The following SLC24A2 variants were observed in gnomAD, a reference collection of about 807,000 sequenced individuals.
SLC24A2 encodes the protein sodium/potassium/calcium exchanger 2.
A neutral mutation model predicts 62.0 loss-of-function variants in SLC24A2; 36 were observed. That is an observed-to-expected ratio of 0.58 (90% CI 0.44 to 0.77). SLC24A2 has a LOEUF of 0.77. Among genes scored for constraint, SLC24A2 ranks in the 30% least tolerant of loss-of-function variants. The probability of loss-of-function intolerance (pLI) is 0.00; values close to 1 mark genes in which losing one functional copy is unlikely to be tolerated. For synonymous variants in SLC24A2, 358 were observed against 294.0 expected, an observed-to-expected ratio of 1.22 and a Z score of -2.23; for missense variants, 846 against 817.9, an observed-to-expected ratio of 1.03 and a Z score of -0.42.
intron 9 of SLC24A2, among the ~76,000 whole-genome samples, chr9:19,521,818 T>C (rs984365050): frequency 6.6e-6 from 1 of 152,082 alleles, no homozygotes; most frequent in African/African-American, 2.4e-5. Flanking sequence ...TTGTGAATAG[T>C]ACATTATTAT....
At chr9:19,851,382 G>T in the SLC24A2 span, among the ~76,000 whole-genome samples, 10 of 151,980 alleles carry the variant, frequency 6.6e-5, no homozygotes, top group African/African-American at 2.4e-4. Flanking sequence ...GGATGTGCAG[G>T]TTTATTACAT....
the SLC24A2 span, among the ~76,000 whole-genome samples, chr9:20,095,183 C>G: frequency 3.8e-4 from 58 of 152,272 alleles, no homozygotes; most frequent in African/African-American, 1.3e-3. Context: ...GGTATCCTAT[C>G]TATGTTAACA....
the SLC24A2 span, among the ~76,000 whole-genome samples, chr9:20,004,641 G>T: frequency 6.6e-6 from 1 of 152,082 alleles, no homozygotes; most frequent in Non-Finnish European, 1.5e-5. Context: ...TGTTGAGCTG[G>T]AGTTTTATAA....
intron 4 of SLC24A2, among the ~76,000 whole-genome samples, chr9:19,618,095 C>A (rs1817815658): frequency 6.6e-6 from 1 of 152,178 alleles, no homozygotes; most frequent in African/African-American, 2.4e-5. Context: ...GGTGAAAATG[C>A]TTTGTCAACT....
intron 4 of SLC24A2, among the ~76,000 whole-genome samples, chr9:19,604,263 T>C (rs1041937187): frequency 3.9e-5 from 6 of 152,120 alleles, no homozygotes; most frequent in Non-Finnish European, 7.4e-5. Context: ...CCCCATGGGG[T>C]GGTCTTGACT....
the SLC24A2 span, among the ~76,000 whole-genome samples, chr9:20,161,932 T>C: frequency 4.0e-5 from 6 of 151,710 alleles, no homozygotes; most frequent in Admixed American, 2.6e-4. Context: ...TACTAGCTAA[T>C]GCGATTACAT....
the SLC24A2 span, among the ~76,000 whole-genome samples, chr9:20,072,584 T>G: frequency 6.6e-6 from 1 of 152,126 alleles, no homozygotes; most frequent in African/African-American, 2.4e-5. Context: ...AAAGAGACTT[T>G]GCAGATATGA....
chr9:20,236,189 T>G, the SLC24A2 span, among the ~76,000 whole-genome samples: 1 of 152,228 alleles, frequency 6.6e-6, no homozygotes, highest in East Asian at 1.9e-4. Context: ...AAGAAATCAT[T>G]TCTCCAAAAG....
chr9:19,547,992 TAAAG>T (rs1248644801), intron 8 of SLC24A2, among the ~76,000 whole-genome samples: 2 of 151,630 alleles, frequency 1.3e-5, no homozygotes, highest in Non-Finnish European at 2.9e-5. Flanking sequence ...GTATCTTGAA[TAAAG>T]AAACTTAAAT....
chr9:20,224,432 G>T, the SLC24A2 span, among the ~76,000 whole-genome samples: 2 of 151,874 alleles, frequency 1.3e-5, no homozygotes, highest in Non-Finnish European at 2.9e-5. Flanking sequence ...AAAAATTAAA[G>T]CCTGAAAACA....
At chr9:19,999,671 G>C in the SLC24A2 span, among the ~76,000 whole-genome samples, 5 of 152,164 alleles carry the variant, frequency 3.3e-5, no homozygotes, top group African/African-American at 1.2e-4. Context: ...ATCACGGAAA[G>C]GATCCCAGCT....
chr9:19,961,334 A>C, the SLC24A2 span, among the ~76,000 whole-genome samples: 1 of 152,222 alleles, frequency 6.6e-6, no homozygotes, highest in Non-Finnish European at 1.5e-5. Flanking sequence ...TTAGTAAAGA[A>C]AGGTTAGATC....
chr9:19,868,461 C>T, the SLC24A2 span, among the ~76,000 whole-genome samples: 1 of 152,180 alleles, frequency 6.6e-6, no homozygotes, highest in African/African-American at 2.4e-5. Context: ...CTTCTGCAGT[C>T]ACAAGACGGA....
chr9:19,842,749 G>A, the SLC24A2 span, among the ~76,000 whole-genome samples: 3 of 152,118 alleles, frequency 2.0e-5, no homozygotes, highest in Non-Finnish European at 4.4e-5. Context: ...TGTATATATT[G>A]TGCTTTTATC....
the SLC24A2 span, among the ~76,000 whole-genome samples, chr9:20,082,903 G>A: frequency 6.6e-6 from 1 of 152,178 alleles, no homozygotes; most frequent in African/African-American, 2.4e-5. Context: ...CCCAAATAAA[G>A]CATTTTTAAT....
At chr9:19,703,986 G>T (rs965098089) in intron 2 of SLC24A2, among the ~76,000 whole-genome samples, 6 of 152,156 alleles carry the variant, frequency 3.9e-5, no homozygotes, top group Admixed American at 2.0e-4. Context: ...CATCCTAGCA[G>T]GGCAATTGGA....
chr9:19,851,660 A>C, the SLC24A2 span, among the ~76,000 whole-genome samples: 2 of 152,056 alleles, frequency 1.3e-5, no homozygotes, highest in Admixed American at 6.5e-5. Context: ...ACATGATCTC[A>C]TTCCTTTTTA....
At chr9:19,665,487 T>C (rs938816448) in intron 2 of SLC24A2, among the ~76,000 whole-genome samples, 8 of 152,120 alleles carry the variant, frequency 5.3e-5, no homozygotes, top group African/African-American at 7.2e-5. Context: ...TAGACTTCAA[T>C]TGAAATGCAT....
At chr9:20,120,773 T>C in the SLC24A2 span, among the ~76,000 whole-genome samples, 3 of 152,114 alleles carry the variant, frequency 2.0e-5, no homozygotes, top group Admixed American at 1.3e-4. Context: ...TCTGGAGATT[T>C]TATAGACTTA....
Sources: gnomAD v4.1 joint callset for allele counts (sites outside exome capture counted in the v4.1 genomes callset) on GRCh38, gnomAD v4.1.1 for gene constraint, MANE v1.5 for transcripts, NCBI Gene and HGNC (gene_info 2026-07-23, HGNC 2026-07-21) for gene names.